OPN3: variants seen among roughly 807,000 people sequenced by gnomAD.
OPN3 encodes opsin-3.
In OPN3, 29 loss-of-function variants were observed where a neutral mutation model predicts 33.8. That is an observed-to-expected ratio of 0.86 (90% CI 0.64 to 1.17). The LOEUF is 1.17. Ranked by LOEUF, OPN3 falls within the 50% of genes most tolerant of loss-of-function variation. The probability of loss-of-function intolerance (pLI) is 0.00; values close to 1 mark genes in which losing one functional copy is unlikely to be tolerated. For synonymous variants in OPN3, 216 were observed against 216.1 expected, an observed-to-expected ratio of 1.00 and a Z score of 0.00; for missense variants, 437 against 514.1, an observed-to-expected ratio of 0.85 and a Z score of 1.45.
chr1:241,626,994 C>T (rs1256525931), intron 1 of OPN3, among the ~76,000 whole-genome samples: 1 of 152,140 alleles, frequency 6.6e-6, no homozygotes, highest in Non-Finnish European at 1.5e-5. Flanking sequence ...CCTCTGAATC[C>T]AGTCATTCCT....
intron 1 of OPN3, chr1:241,632,336 A>T (rs758992113): frequency 2.0e-5 from 3 of 152,188 alleles, no homozygotes; most frequent in Non-Finnish European, 4.4e-5. Context: ...GTGTGTCTTT[A>T]TCAACAGCAT....
At chr1:241,630,340 C>T (rs1301011237) in intron 1 of OPN3, 1 of 152,006 alleles carries the variant, frequency 6.6e-6, no homozygotes, top group Non-Finnish European at 1.5e-5. Flanking sequence ...TCTATTTAGG[C>T]ATCTTTCTTA....
At chr1:241,633,157 T>G (rs887187485) in intron 1 of OPN3, 2 of 152,224 alleles carry the variant, frequency 1.3e-5, no homozygotes, top group Non-Finnish European at 2.9e-5. Context: ...GGTGGCATCA[T>G]TGCCTCATCA....
At chr1:241,637,041 C>T (rs760590382) in intron 1 of OPN3, among the ~76,000 whole-genome samples, 4 of 152,144 alleles carry the variant, frequency 2.6e-5, no homozygotes, top group Non-Finnish European at 5.9e-5. Flanking sequence ...CTGTGTGATG[C>T]CCTGTGTGGC....
intron 1 of OPN3, chr1:241,635,112 A>G: frequency 6.2e-7 from 1 of 1,612,780 alleles, no homozygotes; most frequent in East Asian, 2.2e-5. Flanking sequence ...ATTTGAGAGT[A>G]AGTAATCCTA....
chr1:241,604,256 T>G lies in OPN3; in HGVS notation c.693+4A>C. ...GAGGGGGGCATCTGTAGTCTTCAAC[T>G]CACCATTCGAATGGAATATAGAATA... On this transcript the variant is annotated splice_donor_region_variant and intron_variant, in intron 2 of 3. Coordinates refer to ENST00000366554, the MANE Select transcript of OPN3 (RefSeq NM_014322.3). The G allele has an allele frequency of 6.2e-7, 1 of 1,612,364 alleles. No homozygotes were observed.
chr1:241,610,864 A>C (rs1663971631), intron 1 of OPN3, among the ~76,000 whole-genome samples: 1 of 152,186 alleles, frequency 6.6e-6, no homozygotes, highest in South Asian at 2.1e-4. Flanking sequence ...ATTAATTAAC[A>C]TCCCAGAATC....
intron 1 of OPN3, among the ~76,000 whole-genome samples, chr1:241,607,852 A>C (rs1663883700): frequency 6.6e-6 from 1 of 152,168 alleles, no homozygotes; most frequent in African/African-American, 2.4e-5. Context: ...CAAATAATGG[A>C]TTTAATTCAA....
chr1:241,632,350 A>C (rs532612646), intron 1 of OPN3: 4 of 152,312 alleles, frequency 2.6e-5, no homozygotes, highest in Admixed American at 2.6e-4. Context: ...ACAGCATGAG[A>C]ACACACTAAT....
intron 3 of OPN3, 132 bp from the exon 4 acceptor site, chr1:241,594,823 G>A (rs1308420639): frequency 3.1e-6 from 3 of 962,432 alleles, no homozygotes; most frequent in Non-Finnish European, 4.6e-6. Flanking sequence ...GTGGGGTTAT[G>A]TGGTCATGCT....
chr1:241,630,501 T>C (rs943030554), intron 1 of OPN3: 2 of 152,066 alleles, frequency 1.3e-5, no homozygotes, highest in African/African-American at 2.4e-5. Flanking sequence ...AATTAGTCTT[T>C]GTTAGTACAT....
chr1:241,631,736 T>C (rs967061121), intron 1 of OPN3: 3 of 152,148 alleles, frequency 2.0e-5, no homozygotes, highest in African/African-American at 7.2e-5. Flanking sequence ...AGATCCATGC[T>C]CTAAAATATG....
At chr1:241,613,756 A>C (rs1664055037) in intron 1 of OPN3, among the ~76,000 whole-genome samples, 1 of 152,178 alleles carries the variant, frequency 6.6e-6, no homozygotes, top group African/African-American at 2.4e-5. Context: ...CAGGATGTGG[A>C]AACTGCATTC....
At chr1:241,639,822 C>T in intron 1 of OPN3, 60 bp downstream of exon 1, 1 of 1,367,186 alleles carries the variant, frequency 7.3e-7, no homozygotes, top group Non-Finnish European at 9.5e-7. Flanking sequence ...ACGGAGCGGG[C>T]AGCGGGGTGG....
At chr1:241,604,646 AC>A in intron 1 of OPN3, 67 bp from the exon 2 acceptor site, 2 of 1,365,494 alleles carry the variant, frequency 1.5e-6, no homozygotes, top group Non-Finnish European at 2.0e-6. Context: ...GAGACGTGAT[AC>A]ATTCTCCACT....
chr1:241,603,660 G>T (rs796459507), intron 2 of OPN3, among the ~76,000 whole-genome samples: 1 of 152,136 alleles, frequency 6.6e-6, no homozygotes, highest in African/African-American at 2.4e-5. Context: ...AGGGTTTGAC[G>T]GAGTGAGCAA....
chr1:241,631,536 C>T (rs1664632922), intron 1 of OPN3: 1 of 151,890 alleles, frequency 6.6e-6, no homozygotes, highest in African/African-American at 2.4e-5. Flanking sequence ...CAATCCATGA[C>T]TTTGCTACTT....
intron 1 of OPN3, chr1:241,635,521 T>G (rs776357803): frequency 6.2e-7 from 1 of 1,614,014 alleles, no homozygotes; most frequent in South Asian, 1.1e-5. Flanking sequence ...CTTCTTCTGT[T>G]TCATGGATCA....
intron 1 of OPN3, among the ~76,000 whole-genome samples, chr1:241,614,629 A>C (rs1664074546): frequency 6.6e-6 from 1 of 152,206 alleles, no homozygotes; most frequent in African/African-American, 2.4e-5. Context: ...TGGTTCTTTT[A>C]ATATCAGCTC....
Sources: gnomAD v4.1 joint callset for allele counts (sites outside exome capture counted in the v4.1 genomes callset) on GRCh38, gnomAD v4.1.1 for gene constraint, MANE v1.5 for transcripts, NCBI Gene and HGNC (gene_info 2026-07-23, HGNC 2026-07-21) for gene names.